The following TRPM6 variants were observed in gnomAD, a reference collection of about 807,000 sequenced individuals.
The protein encoded by TRPM6 is transient receptor potential cation channel subfamily M member 6, also known as channel kinase 2.
TRPM6 carries 111 observed loss-of-function variants against 247.6 expected under a neutral mutation model. The ratio of observed to expected loss-of-function variants is 0.45; its 90% CI spans 0.38 to 0.52. TRPM6 has a LOEUF of 0.52. Ranked by LOEUF, TRPM6 falls within the 20% of genes least tolerant of loss-of-function variation. The pLI is 0.00. For missense variants in TRPM6, 2,126 were observed against 2,421.5 expected, an observed-to-expected ratio of 0.88 and a Z score of 2.56; for synonymous variants, 892 against 853.8, an observed-to-expected ratio of 1.04 and a Z score of -0.78.
At chr9:74,726,496 G>A (rs557993886) in intron 38 of TRPM6, among the ~76,000 whole-genome samples, 1 of 152,182 alleles carries the variant, frequency 6.6e-6, no homozygotes, top group South Asian at 2.1e-4. Context: ...GATGACAAGA[G>A]CAAAACTCTG....
chr9:74,812,524 A>C, intron 11 of TRPM6, 91 bp from the exon 12 acceptor site: 1 of 1,247,256 alleles, frequency 8.0e-7, no homozygotes, highest in Non-Finnish European at 1.1e-6. Flanking sequence ...AATTACACAA[A>C]CACAATAATT....
chr9:74,825,140 T>C (rs765988396), intron 7 of TRPM6, among the ~76,000 whole-genome samples: 1 of 152,078 alleles, frequency 6.6e-6, no homozygotes, highest in South Asian at 2.1e-4. Flanking sequence ...CAGGTGCTTG[T>C]AATCCCAGCT....
intron 29 of TRPM6, 71 bp from the exon 30 acceptor site, chr9:74,750,793 G>T: frequency 7.7e-7 from 1 of 1,302,998 alleles, no homozygotes; most frequent in Non-Finnish European, 1.1e-6. Flanking sequence ...GGAATGATCT[G>T]CCAAACACGC....
intron 1 of TRPM6, chr9:74,887,606 C>T (rs1831579277): frequency 1.3e-6 from 2 of 1,535,126 alleles, no homozygotes; most frequent in East Asian, 2.4e-5. Flanking sequence ...GGCTGCGGGA[C>T]CTGCCCTGTA....
chr9:74,756,681 C>CAAA (rs1217543421), intron 27 of TRPM6, among the ~76,000 whole-genome samples: 116 of 51,372 alleles, frequency 2.3e-3, no homozygotes, highest in Middle Eastern at 0.014. Context: ...CCCGTCTCTA[C>CAAA]AAAAAAAAAA....
chr9:74,792,771 C>A lies in TRPM6; in HGVS notation c.2392-1G>T, dbSNP rs1219529570. ...GGCCCCTTTCCAAATCATACTCTTT[C>A]TATAAAATAAACAAATAATCATTTT... On this transcript the variant is annotated splice_acceptor_variant, in intron 18 of 38. Transcript: ENST00000360774. LOFTEE classifies it high-confidence loss of function. 2.5e-6 allele frequency: 4 copies of A among 1,613,006 alleles called. No homozygotes were observed. In the South Asian group the frequency reaches 4.4e-5, roughly 18 times the overall value.
At chr9:74,787,222 C>T (rs1827712625) in intron 20 of TRPM6, among the ~76,000 whole-genome samples, 2 of 151,892 alleles carry the variant, frequency 1.3e-5, no homozygotes, top group African/African-American at 4.8e-5. Flanking sequence ...GTAATCCCAG[C>T]TACTCCGGAG....
Position 74,820,180 on chromosome 9 carries a change from G to A in TRPM6, c.1134+124C>T, listed in dbSNP as rs1325510312. The stretch of plus-strand genomic sequence containing the variant: ...CTCCCTCCCCCCTCCACCCTGACAG[G>A]CCCCTGTATGTTGTTCCCCTTCCTG... On this transcript the variant is annotated intron_variant, in intron 9 of 38. Transcript: ENST00000360774. 3.7e-6 allele frequency: 4 copies of A among 1,071,172 alleles called. No homozygotes were observed. In the East Asian group the frequency reaches 7.7e-5, roughly 21 times the overall value. The allele number at this position is 1,071,172 out of a possible 1,614,324, so 66.4% of individuals were successfully genotyped here.
rs776815422 is a variant in TRPM6, at chr9:74,785,951, A to G, written c.2842T>C (p.Phe948Leu). The G allele has an allele frequency of 2.7e-5, 43 of 1,614,140 alleles. No homozygotes were observed. The Admixed American group carries it at 6.5e-4, about 24-fold the overall frequency. The change falls in exon 21 of 39, where the codon TTC (phenylalanine) becomes CTC (leucine). Residue 948 changes from phenylalanine (F) to leucine (L), a missense_variant. Phe to Leu is a conservative substitution (Grantham distance 22). Coordinates refer to ENST00000360774, the MANE Select transcript of TRPM6 (RefSeq NM_017662.5). ...GRLIYCIDII[F>L]WFSRLLDFFA... ...AAGTCCAGGAGCCGTGAGAACCAGAATATGATGTCTATGCAGTAGATCAGT... is the reference window on the plus strand; with the variant it reads ...AAGTCCAGGAGCCGTGAGAACCAGAGTATGATGTCTATGCAGTAGATCAGT...
rs973746812 is a variant in TRPM6, at chr9:74,723,008, A to G, written c.*1605T>C. On this transcript the variant is annotated 3_prime_UTR_variant, in exon 39 of 39. Transcript: ENST00000360774. Reference sequence around the variant, plus strand: ...GGAGGTTTGCTGCCTGTGAACTGGAACAGCTTATAATAAGAAAGGAGATGC... The same window carrying G: ...GGAGGTTTGCTGCCTGTGAACTGGAGCAGCTTATAATAAGAAAGGAGATGC... 2 of 152,174 alleles carry G rather than the reference A, an allele frequency of 1.3e-5. No individual in the cohort carries two copies. The highest frequency in any genetic ancestry group is 2.9e-5 in the Non-Finnish European group (2 of 68,034). The allele number at this position is 152,174 out of a possible 1,614,324, so 9.4% of individuals were successfully genotyped here. A position where few individuals can be genotyped will look rare whatever the true frequency, so the allele number is the denominator to read the frequency against.
chr9:74,809,989 A>AC (rs1564025098), intron 13 of TRPM6, among the ~76,000 whole-genome samples: 2 of 150,268 alleles, frequency 1.3e-5, no homozygotes, highest in South Asian at 2.1e-4. Flanking sequence ...AAAAAAAAAA[A>AC]AAAAAAAAAA....
Position 74,782,565 on chromosome 9 carries a change from G to A in TRPM6, c.3095-89C>T, listed in dbSNP as rs1053598616. Reference sequence around the variant, plus strand: ...ACACATTTAGCACATTAACTGCACAGAATACCATAAATTCAAACATTTTTA... The same window carrying A: ...ACACATTTAGCACATTAACTGCACAAAATACCATAAATTCAAACATTTTTA... On this transcript the variant is annotated intron_variant, in intron 22 of 38. Transcript: ENST00000360774. 18 of 1,460,190 alleles carry A rather than the reference G, an allele frequency of 1.2e-5. No homozygotes were observed. In the African/African-American group the frequency reaches 2.1e-4, roughly 17 times the overall value. 90.5% of individuals were successfully genotyped at this position (1,460,190 alleles called of 1,614,324 possible). A position where few individuals can be genotyped will look rare whatever the true frequency, so the allele number is the denominator to read the frequency against.
At chr9:74,741,898 A>C (rs1027566135) in intron 33 of TRPM6, among the ~76,000 whole-genome samples, 16 of 152,020 alleles carry the variant, frequency 1.1e-4, no homozygotes, top group Non-Finnish European at 1.9e-4. Flanking sequence ...CTCAAAAAAA[A>C]AATAAAAATA....
intron 3 of TRPM6, among the ~76,000 whole-genome samples, chr9:74,847,396 G>C (rs2118254794): frequency 6.6e-6 from 1 of 152,184 alleles, no homozygotes; most frequent in South Asian, 2.1e-4. Flanking sequence ...TGCCCAAGCT[G>C]ATCTTGAACT....
intron 21 of TRPM6, among the ~76,000 whole-genome samples, 197 bp downstream of exon 21, chr9:74,785,677 C>T (rs897521046): frequency 6.6e-6 from 1 of 152,128 alleles, no homozygotes; most frequent in East Asian, 1.9e-4. Context: ...TGCCCACCAC[C>T]ATGCCCGGCT....
At position 74,785,976 on chromosome 9, in the gene TRPM6, T is replaced by A; in HGVS notation, c.2817A>T (p.Arg939Ser). The A allele has an allele frequency of 6.2e-7, 1 of 1,614,232 alleles. No individual in the cohort carries two copies. Among genetic ancestry groups the A allele is most frequent in the Non-Finnish European group, 8.5e-7 (1 of 1,180,050 alleles). Residue 939 changes from arginine to serine, a missense_variant, in exon 21 of 39, where the codon AGA becomes AGT. By Grantham distance (110) the Arg-to-Ser change is moderately radical. This residue lies in a region of TRPM6 where 1,082 missense variants were observed against 1,307.9 expected (regional missense o/e 0.83). Coordinates refer to ENST00000360774, the MANE Select transcript of TRPM6 (RefSeq NM_017662.5). ...ATATGATGTCTATGCAGTAGATCAG[T>A]CTTCCCGCTGTGTGAAAAGGAGGGT... ...WGDPPFHTAG[R>S]LIYCIDIIFW...
Position 74,728,250 on chromosome 9 carries a change from A to C in TRPM6, c.5924T>G (p.Leu1975Arg). 1 of 1,613,722 alleles carries C rather than the reference A, an allele frequency of 6.2e-7. No individual in the cohort carries two copies. Among genetic ancestry groups the C allele is most frequent in the East Asian group, 2.2e-5 (1 of 44,896 alleles). ...TGTTAGTGGCATACCCGGGAGTTTGAGCTTCCGGCAGCAGGAGTTACAATG... is the reference window on the plus strand; with the variant it reads ...TGTTAGTGGCATACCCGGGAGTTTGCGCTTCCGGCAGCAGGAGTTACAATG... ...KHHCNSCCRK[L>R]KLPDLKRNDY... Residue 1975 changes from leucine to arginine, a missense_variant, in exon 38 of 39, where the codon CTC (leucine) becomes CGC (arginine). Coordinates refer to ENST00000360774, the MANE Select transcript of TRPM6 (RefSeq NM_017662.5).
intron 18 of TRPM6, among the ~76,000 whole-genome samples, chr9:74,795,844 A>T (rs1828078646): frequency 6.6e-6 from 1 of 152,206 alleles, no homozygotes; most frequent in Admixed American, 6.5e-5. Context: ...AACCTCAGTG[A>T]GTAAATGCAG....
At chr9:74,853,144 C>T (rs909341957) in intron 3 of TRPM6, among the ~76,000 whole-genome samples, 3 of 151,852 alleles carry the variant, frequency 2.0e-5, no homozygotes, top group African/African-American at 7.3e-5. Context: ...TCGACCGCCA[C>T]CCCATCTGGG....
Sources: allele counts gnomAD v4.1 joint callset (sites outside exome capture counted in the v4.1 genomes callset), GRCh38; gene constraint gnomAD v4.1.1; regional missense constraint gnomAD v4.1.1; transcripts MANE v1.5; gene names NCBI Gene and HGNC (gene_info 2026-07-23, HGNC 2026-07-21).